OVCH1: variants seen among roughly 807,000 people sequenced by gnomAD.
The protein encoded by OVCH1 is ovochymase-1.
A neutral mutation model predicts 138.4 loss-of-function variants in OVCH1; 139 were observed. The observed-to-expected ratio is 1.00, with a 90% CI of 0.87 to 1.16. The LOEUF (loss-of-function observed/expected upper bound fraction) is 1.16, where lower values mean the gene tolerates loss of function less well. Among genes scored for constraint, OVCH1 ranks in the 50% most tolerant of loss-of-function variants. OVCH1 has a pLI of 0.00. For missense variants in OVCH1, 1,367 were observed against 1,357.9 expected, an observed-to-expected ratio of 1.01 and a Z score of -0.11; for synonymous variants, 453 against 467.8, an observed-to-expected ratio of 0.97 and a Z score of 0.41.
intron 15 of OVCH1, among the ~76,000 whole-genome samples, chr12:29,472,635 T>A (rs1346675339): frequency 2.0e-5 from 3 of 152,190 alleles, no homozygotes; most frequent in African/African-American, 7.2e-5. Flanking sequence ...TGTGGAACAA[T>A]GAGGGATCAT....
Position 29,454,946 on chromosome 12 carries a change from A to T in OVCH1, c.2438-13T>A, listed in dbSNP as rs1941903853. On this transcript the variant is annotated splice_polypyrimidine_tract_variant and intron_variant, in intron 20 of 27. Transcript: ENST00000318184. Reference sequence around the variant, plus strand: ...AGTGAAGCAGGACCTGTATTTGGGGAGAACATGTTAAAAATAAAGATGAAA... The same window carrying T: ...AGTGAAGCAGGACCTGTATTTGGGGTGAACATGTTAAAAATAAAGATGAAA... 6.3e-7 allele frequency: 1 copy of T among 1,584,290 alleles called. No homozygotes were observed. The highest frequency in any genetic ancestry group is 8.6e-7 in the Non-Finnish European group (1 of 1,156,224).
chr12:29,406,517 C>T, the OVCH1 span, among the ~76,000 whole-genome samples: 2 of 151,434 alleles, frequency 1.3e-5, no homozygotes, highest in African/African-American at 2.4e-5. Context: ...CATATGTTCT[C>T]ATTGTTCAGT....
chr12:29,423,118 A>G (rs1246944177), downstream of OVCH1: 1 of 413,236 alleles, frequency 2.4e-6, no homozygotes, highest in South Asian at 1.8e-5. Flanking sequence ...TTTTAATGCA[A>G]TTACTTACCA....
At chr12:29,433,496 T>A (rs989979604) in intron 27 of OVCH1, among the ~76,000 whole-genome samples, 4 of 152,226 alleles carry the variant, frequency 2.6e-5, no homozygotes, top group African/African-American at 9.6e-5. Flanking sequence ...GTCTCAGGTA[T>A]TTCTTCATAG....
intron 25 of OVCH1, among the ~76,000 whole-genome samples, chr12:29,441,279 T>A (rs890504772): frequency 1.3e-5 from 2 of 152,054 alleles, no homozygotes; most frequent in Non-Finnish European, 2.9e-5. Context: ...GAGATATAGA[T>A]CAATGGAACA....
intron 16 of OVCH1, among the ~76,000 whole-genome samples, chr12:29,468,993 T>A (rs544691471): frequency 3.9e-5 from 6 of 152,198 alleles, no homozygotes; most frequent in Admixed American, 3.3e-4. Context: ...ACCTAGAGTA[T>A]CTTGCAGTGT....
chr12:29,420,267 T>C (rs1042206405), intron 3 of OVCH1, among the ~76,000 whole-genome samples: 1 of 152,178 alleles, frequency 6.6e-6, no homozygotes, highest in Non-Finnish European at 1.5e-5. Context: ...TTTCAGAACT[T>C]TCTATATTTA....
At chr12:29,402,986 G>A in the OVCH1 span, among the ~76,000 whole-genome samples, 46,790 of 151,858 alleles carry the variant, frequency 0.31, 8,466 homozygotes, top group Middle Eastern at 0.52. Context: ...TTATTAACCA[G>A]TTTCAATGAA....
intron 18 of OVCH1, among the ~76,000 whole-genome samples, 175 bp from the exon 19 acceptor site, chr12:29,462,183 T>A (rs1205629427): frequency 6.6e-6 from 1 of 152,224 alleles, no homozygotes; most frequent in African/African-American, 2.4e-5. Context: ...GTAACATGTC[T>A]TCATTTCCCA....
intron 4 of OVCH1, among the ~76,000 whole-genome samples, chr12:29,493,232 G>A (rs1943319566): frequency 2.0e-5 from 3 of 152,050 alleles, no homozygotes; most frequent in African/African-American, 7.2e-5. Flanking sequence ...TCAGTATTTT[G>A]ATCGCCTACT....
At chr12:29,418,751 T>C (rs1038938587) in intron 3 of OVCH1, among the ~76,000 whole-genome samples, 2 of 152,250 alleles carry the variant, frequency 1.3e-5, no homozygotes, top group African/African-American at 4.8e-5. Flanking sequence ...GTTACCAGGT[T>C]GTCTGTGACA....
chr12:29,412,537 G>C (rs1940974090), exon 5 of OVCH1: 2 of 152,148 alleles, frequency 1.3e-5, no homozygotes, highest in Non-Finnish European at 2.9e-5. Context: ...ATTAAAAATA[G>C]AGAAAAACTG....
chr12:29,435,883 A>G (rs980780727), intron 26 of OVCH1, among the ~76,000 whole-genome samples: 1 of 152,046 alleles, frequency 6.6e-6, no homozygotes, highest in Non-Finnish European at 1.5e-5. Flanking sequence ...TCTTTTCCCT[A>G]TTTATAGCCT....
intron 8 of OVCH1, among the ~76,000 whole-genome samples, chr12:29,484,498 G>A (rs1943031182): frequency 6.6e-6 from 1 of 152,084 alleles, no homozygotes; most frequent in South Asian, 2.1e-4. Flanking sequence ...AGATAAAAAT[G>A]CCAAAATAAG....
chr12:29,412,553 GAACA>G (rs1940974287), intron 4 of OVCH1: 1 of 152,290 alleles, frequency 6.6e-6, no homozygotes, highest in East Asian at 1.9e-4. Flanking sequence ...AACTGAAAGT[GAACA>G]AACAGAGTAC....
At chr12:29,489,680 A>T (rs368368460) in exon 6 of OVCH1, 200 of 1,609,732 alleles carry the variant, frequency 1.2e-4, no homozygotes, top group Non-Finnish European at 1.6e-4. Context: ...TTCCCAGGGG[A>T]GGGAGGTTCA....
intron 22 of OVCH1, among the ~76,000 whole-genome samples, chr12:29,447,726 A>T (rs1242190948): frequency 6.6e-6 from 1 of 152,002 alleles, no homozygotes; most frequent in East Asian, 1.9e-4. Flanking sequence ...GTAAATGAAG[A>T]TGGTTTCATA....
intron 8 of OVCH1, among the ~76,000 whole-genome samples, chr12:29,479,592 A>G (rs1325700440): frequency 6.6e-6 from 1 of 152,168 alleles, no homozygotes; most frequent in Non-Finnish European, 1.5e-5. Context: ...AGCTTCTTCC[A>G]TGTCTCACCT....
At chr12:29,443,497 G>C in exon 25 of OVCH1, 2 of 1,595,784 alleles carry the variant, frequency 1.3e-6, no homozygotes, top group Non-Finnish European at 8.6e-7. Flanking sequence ...ATCTCCATTG[G>C]CAACTATGGC....
Sources: gnomAD v4.1 joint callset for allele counts (sites outside exome capture counted in the v4.1 genomes callset) on GRCh38, gnomAD v4.1.1 for gene constraint, MANE v1.5 for transcripts, NCBI Gene and HGNC (gene_info 2026-07-23, HGNC 2026-07-21) for gene names.